EYS: variants seen among roughly 807,000 people sequenced by gnomAD.
The protein encoded by EYS is protein eyes shut homolog.
Under a neutral mutation model 282.1 loss-of-function variants are expected in EYS, and 250 were observed. The ratio of observed to expected loss-of-function variants is 0.89; its 90% CI spans 0.80 to 0.98. The LOEUF (loss-of-function observed/expected upper bound fraction) is 0.98, where lower values mean the gene tolerates loss of function less well. Ranked by LOEUF, EYS falls within the 50% of genes least tolerant of loss-of-function variation. The probability of loss-of-function intolerance (pLI) is 0.00; values close to 1 mark genes in which losing one functional copy is unlikely to be tolerated. For synonymous variants in EYS, 1,355 were observed against 1,282.9 expected, an observed-to-expected ratio of 1.06 and a Z score of -1.20; for missense variants, 4,016 against 3,709.0, an observed-to-expected ratio of 1.08 and a Z score of -2.15.
At chr6:65,189,059 A>T (rs1765579834) in intron 12 of EYS, among the ~76,000 whole-genome samples, 2 of 151,686 alleles carry the variant, frequency 1.3e-5, no homozygotes, top group African/African-American at 4.8e-5. Flanking sequence ...ATATAGTTAC[A>T]GTTTTAATTT....
At chr6:65,358,320 G>A (rs1764571424) in intron 8 of EYS, among the ~76,000 whole-genome samples, 1 of 151,892 alleles carries the variant, frequency 6.6e-6, no homozygotes, top group South Asian at 2.1e-4. Flanking sequence ...CTCTGAAATA[G>A]AAGTATGATT....
At chr6:64,167,850 AAGG>A (rs1347151334) in intron 31 of EYS, among the ~76,000 whole-genome samples, 2 of 152,338 alleles carry the variant, frequency 1.3e-5, no homozygotes, top group Admixed American at 6.5e-5. Context: ...CATTACAACA[AAGG>A]AGATATATGA....
At chr6:64,577,500 T>TCACA (rs137964045) in intron 26 of EYS, among the ~76,000 whole-genome samples, 2 of 150,594 alleles carry the variant, frequency 1.3e-5, no homozygotes, top group Non-Finnish European at 3.0e-5. Flanking sequence ...ACACACACAC[T>TCACA]CACACACACA....
chr6:64,506,640 T>C (rs9345180), intron 26 of EYS, among the ~76,000 whole-genome samples: 63,091 of 151,868 alleles, frequency 0.42, 13,700 homozygotes, highest in African/African-American at 0.56. Flanking sequence ...AGGCCGGGCA[T>C]GGTGGCCCAC....
At chr6:64,996,905 G>A (rs146137585) in intron 14 of EYS, among the ~76,000 whole-genome samples, 2 of 152,230 alleles carry the variant, frequency 1.3e-5, no homozygotes, top group Admixed American at 6.5e-5. Context: ...CTATAAGCCT[G>A]GATTAGTATT....
intron 41 of EYS, among the ~76,000 whole-genome samples, chr6:63,749,244 C>T (rs1769282911): frequency 6.6e-6 from 1 of 152,118 alleles, no homozygotes; most frequent in Non-Finnish European, 1.5e-5. Context: ...TTGTTTACCC[C>T]AGAGTCATTC....
chr6:63,912,964 A>G (rs1029609644), intron 35 of EYS, among the ~76,000 whole-genome samples: 1 of 152,166 alleles, frequency 6.6e-6, no homozygotes, highest in Non-Finnish European at 1.5e-5. Context: ...CAGTGCAAGA[A>G]TGGACTAATA....
chr6:64,338,766 G>A (rs551073992), intron 29 of EYS, among the ~76,000 whole-genome samples: 51 of 152,070 alleles, frequency 3.4e-4, no homozygotes, highest in Admixed American at 6.6e-4. Flanking sequence ...AAACAGCATG[G>A]TACTAGTATC....
chr6:64,683,871 C>T (rs926134108), intron 22 of EYS, among the ~76,000 whole-genome samples: 2 of 152,290 alleles, frequency 1.3e-5, no homozygotes, highest in East Asian at 1.9e-4. Flanking sequence ...GGCCTAACCG[C>T]CTGACCACAG....
intron 22 of EYS, among the ~76,000 whole-genome samples, chr6:64,628,851 A>G (rs892604247): frequency 6.6e-5 from 10 of 152,220 alleles, no homozygotes; most frequent in Non-Finnish European, 1.3e-4. Flanking sequence ...TAAGGATAAC[A>G]AAAAAGTTGC....
chr6:64,874,942 A>G (rs1379381600), intron 19 of EYS, among the ~76,000 whole-genome samples: 1 of 152,064 alleles, frequency 6.6e-6, no homozygotes, highest in Non-Finnish European at 1.5e-5. Flanking sequence ...GAGATCACTC[A>G]GTACAGCTCA....
chr6:65,312,648 T>C (rs1769190706), intron 11 of EYS, among the ~76,000 whole-genome samples: 1 of 152,212 alleles, frequency 6.6e-6, no homozygotes, highest in Non-Finnish European at 1.5e-5. Context: ...ACAAATGTTT[T>C]ACATGTAAAC....
At chr6:65,595,034 G>C (rs529673890) in intron 2 of EYS, among the ~76,000 whole-genome samples, 1 of 151,972 alleles carries the variant, frequency 6.6e-6, no homozygotes, top group African/African-American at 2.4e-5. Flanking sequence ...TCTCTGTTTT[G>C]GTACCAGTAC....
Position 64,885,056 on chromosome 6 carries a change from G to T in EYS, c.2992+1641C>A, listed in dbSNP as rs75214176. 3.1e-3 allele frequency among the ~76,000 whole-genome samples: 467 copies of T among 151,626 alleles called. 2 individuals carry two copies. Among genetic ancestry groups the T allele is most frequent in the African/African-American group, 0.011 (456 of 41,482 alleles). On this transcript the variant is annotated intron_variant, in intron 19 of 42. Transcript: ENST00000503581. The stretch of plus-strand genomic sequence containing the variant: ...TCTGAATGCATGAACCTATAATCAT[G>T]AATTAAAAACTAAGAAAACCATTAC...
intron 24 of EYS, among the ~76,000 whole-genome samples, chr6:64,599,409 T>G (rs1766694338): frequency 6.6e-6 from 1 of 152,138 alleles, no homozygotes; most frequent in Non-Finnish European, 1.5e-5. Flanking sequence ...ATGGACTAGA[T>G]GTATGGGGTG....
At chr6:64,846,153 T>C (rs1765707260) in intron 19 of EYS, among the ~76,000 whole-genome samples, 1 of 152,174 alleles carries the variant, frequency 6.6e-6, no homozygotes, top group African/African-American at 2.4e-5. Context: ...TGATTAATAC[T>C]GGAAAAGTAA....
rs768199637 is a variant in EYS, at chr6:64,171,561, T to G, written c.6424+59031A>C. ...AAAGTACCATTGAGAAATACTTAGG[T>G]ATAGCAAGATTTTGAAGCAAAAGAA... On this transcript the variant is annotated intron_variant, in intron 31 of 42. Coordinates refer to ENST00000503581, the MANE Select transcript of EYS (RefSeq NM_001142800.2). Among the ~76,000 whole-genome samples, 15 of 152,108 alleles carry G rather than the reference T, an allele frequency of 9.9e-5. 1 individual carries two copies. The highest frequency in any genetic ancestry group is 1.6e-4 in the Non-Finnish European group (11 of 68,012).
intron 35 of EYS, among the ~76,000 whole-genome samples, chr6:63,872,969 G>A (rs1215938705): frequency 1.3e-5 from 2 of 151,926 alleles, no homozygotes; most frequent in African/African-American, 4.8e-5. Context: ...GAAATAATTT[G>A]AGAGATGCTC....
intron 31 of EYS, among the ~76,000 whole-genome samples, chr6:64,207,978 G>A (rs180961203): frequency 8.3e-4 from 127 of 152,202 alleles, no homozygotes; most frequent in Non-Finnish European, 1.0e-3. Context: ...CCAACTTTCA[G>A]ATATTGTTTA....
Sources: allele counts gnomAD v4.1 joint callset (sites outside exome capture counted in the v4.1 genomes callset), GRCh38; gene constraint gnomAD v4.1.1; transcripts MANE v1.5; gene names NCBI Gene and HGNC (gene_info 2026-07-23, HGNC 2026-07-21).